The following NAALADL2 variants were observed in gnomAD, a reference collection of about 807,000 sequenced individuals.
NAALADL2 encodes N-acetylated alpha-linked acidic dipeptidase like 2.
In NAALADL2, 76 loss-of-function variants were observed where a neutral mutation model predicts 87.2. The observed-to-expected ratio is 0.87, with a 90% CI of 0.72 to 1.05. The LOEUF (loss-of-function observed/expected upper bound fraction) is 1.05, where lower values mean the gene tolerates loss of function less well. Among genes scored for constraint, NAALADL2 ranks in the 50% least tolerant of loss-of-function variants. The probability of loss-of-function intolerance (pLI) is 0.00; values close to 1 mark genes in which losing one functional copy is unlikely to be tolerated. For synonymous variants in NAALADL2, 354 were observed against 331.0 expected, an observed-to-expected ratio of 1.07 and a Z score of -0.75; for missense variants, 1,089 against 945.8, an observed-to-expected ratio of 1.15 and a Z score of -1.99.
chr3:174,548,776 C>T (rs1711729760), intron 1 of NAALADL2, among the ~76,000 whole-genome samples: 1 of 152,176 alleles, frequency 6.6e-6, no homozygotes, highest in South Asian at 2.1e-4. Context: ...AGTCGACTCT[C>T]CCATCTTCTA....
At chr3:174,446,619 T>A (rs1310613108) in intron 1 of NAALADL2, among the ~76,000 whole-genome samples, 1 of 152,146 alleles carries the variant, frequency 6.6e-6, no homozygotes, top group East Asian at 1.9e-4. Flanking sequence ...CAGTTTAATA[T>A]GGTACTCAGT....
chr3:175,015,966 A>AT (rs1346118537), intron 1 of NAALADL2, among the ~76,000 whole-genome samples: 1 of 151,520 alleles, frequency 6.6e-6, no homozygotes, highest in African/African-American at 2.4e-5. Flanking sequence ...TCCTCTAATT[A>AT]TTTTTCTACT....
chr3:175,218,928 C>G (rs928513181), intron 2 of NAALADL2, among the ~76,000 whole-genome samples: 2 of 151,994 alleles, frequency 1.3e-5, no homozygotes, highest in African/African-American at 4.8e-5. Flanking sequence ...GCCTCAGCCT[C>G]CCAAGTAACT....
intron 1 of NAALADL2, among the ~76,000 whole-genome samples, chr3:175,011,316 GA>G (rs1749791951): frequency 1.3e-5 from 2 of 148,384 alleles, no homozygotes; most frequent in South Asian, 4.2e-4. Flanking sequence ...GAGAGAGAGA[GA>G]GAGACTAATT....
At chr3:175,398,882 C>A (rs548108035) in intron 5 of NAALADL2, among the ~76,000 whole-genome samples, 1 of 151,484 alleles carries the variant, frequency 6.6e-6, no homozygotes, top group Non-Finnish European at 1.5e-5. Context: ...TTGGATCTTG[C>A]GCAAGAAAGA....
At chr3:174,590,396 G>A (rs938654493) in intron 2 of NAALADL2, among the ~76,000 whole-genome samples, 7 of 152,030 alleles carry the variant, frequency 4.6e-5, no homozygotes, top group East Asian at 1.9e-4. Flanking sequence ...ACTGTATAAG[G>A]CTTGCATGGA....
chr3:174,521,636 A>G lies in NAALADL2; in HGVS notation c.-183-28933A>G, dbSNP rs182596079. ...TACTGTCTTTTGCAGAAACACATAT[A>G]GAACTGGAGGCCTATAGGTAATTAT... On this transcript the variant is annotated intron_variant, in intron 1 of 3. Transcript: ENST00000434257. 3.9e-3 allele frequency among the ~76,000 whole-genome samples: 594 copies of G among 151,868 alleles called. 2 individuals are homozygous for G. The highest frequency in any genetic ancestry group is 6.7e-3 in the Non-Finnish European group (454 of 67,918).
intron 2 of NAALADL2, among the ~76,000 whole-genome samples, chr3:175,170,849 A>G (rs1010374524): frequency 2.0e-5 from 3 of 151,856 alleles, no homozygotes; most frequent in Non-Finnish European, 4.4e-5. Flanking sequence ...ATAAAGGCTA[A>G]AAGGATACAA....
At chr3:175,139,860 AAG>A (rs1472979808) in intron 2 of NAALADL2, among the ~76,000 whole-genome samples, 1 of 152,174 alleles carries the variant, frequency 6.6e-6, no homozygotes, top group Non-Finnish European at 1.5e-5. Context: ...AACTCTAACA[AAG>A]GGGTACCAAC....
At chr3:175,660,903 T>C (rs1732157988) in intron 11 of NAALADL2, among the ~76,000 whole-genome samples, 1 of 152,084 alleles carries the variant, frequency 6.6e-6, no homozygotes, top group African/African-American at 2.4e-5. Flanking sequence ...TATTCATCTG[T>C]TGATGGACAC....
intron 5 of NAALADL2, among the ~76,000 whole-genome samples, chr3:175,411,637 C>G (rs1713537907): frequency 6.6e-6 from 1 of 152,074 alleles, no homozygotes; most frequent in Admixed American, 6.6e-5. Flanking sequence ...GAAGAAATTT[C>G]ATTTTGTAAC....
intron 5 of NAALADL2, among the ~76,000 whole-genome samples, chr3:175,353,568 G>A (rs759271262): frequency 2.0e-5 from 3 of 152,150 alleles, no homozygotes; most frequent in Non-Finnish European, 2.9e-5. Flanking sequence ...AGATCACAAG[G>A]AGACCAAATA....
At chr3:175,572,522 T>G (rs1718239660) in intron 9 of NAALADL2, among the ~76,000 whole-genome samples, 1 of 152,080 alleles carries the variant, frequency 6.6e-6, no homozygotes, top group Non-Finnish European at 1.5e-5. Context: ...GTAGGAAGAA[T>G]GCAGAAGTGT....
At chr3:174,630,426 T>A (rs1005136680) in intron 2 of NAALADL2, among the ~76,000 whole-genome samples, 1 of 152,204 alleles carries the variant, frequency 6.6e-6, no homozygotes, top group Non-Finnish European at 1.5e-5. Flanking sequence ...CCAGTATGAT[T>A]TCTGCATAGA....
Position 174,998,480 on chromosome 3 carries a change from G to A in NAALADL2, c.44-98310G>A, listed in dbSNP as rs149975069. Among the ~76,000 whole-genome samples the A allele has an allele frequency of 9.3e-4, 141 of 152,276 alleles. 1 individual carries two copies. The highest frequency in any genetic ancestry group is 3.4e-3 in the Middle Eastern group (1 of 294). On this transcript the variant is annotated intron_variant, in intron 1 of 13. Coordinates refer to ENST00000454872, the MANE Select transcript of NAALADL2 (RefSeq NM_207015.3). ...GATAGACTGATGGAAAATAAATCCT[G>A]GAGCTTAATTTAGGTTTTCTGATCT... is the stretch of plus-strand genomic sequence containing the variant.
intron 9 of NAALADL2, among the ~76,000 whole-genome samples, chr3:175,517,257 T>A (rs1731978371): frequency 6.6e-6 from 1 of 152,200 alleles, no homozygotes; most frequent in South Asian, 2.1e-4. Context: ...ACAGTGGCTT[T>A]TACAGTTTTG....
At chr3:174,768,738 ATAGT>A (rs1714166775) in intron 3 of NAALADL2, among the ~76,000 whole-genome samples, 1 of 152,142 alleles carries the variant, frequency 6.6e-6, no homozygotes, top group South Asian at 2.1e-4. Flanking sequence ...GAGTTTTTAA[ATAGT>A]TCTTTTAATT....
intron 9 of NAALADL2, among the ~76,000 whole-genome samples, chr3:175,506,304 C>T (rs1169499875): frequency 6.6e-6 from 1 of 152,172 alleles, no homozygotes; most frequent in Non-Finnish European, 1.5e-5. Context: ...CATCCCTGAA[C>T]GTTTAGTTTC....
chr3:174,546,519 G>T lies in NAALADL2; in HGVS notation c.-183-4050G>T, dbSNP rs1453931810. On this transcript the variant is annotated intron_variant, in intron 1 of 3. Coordinates refer to the NAALADL2 transcript ENST00000434257. ...TGCCACTTGCTGAACCCCCCCAGGG[G>T]TTCTGTGATACAAACTGACATTTCT... Among the ~76,000 whole-genome samples, 7 of 152,254 alleles carry T rather than the reference G, an allele frequency of 4.6e-5. No individual in the cohort carries two copies. The South Asian group carries it at 1.2e-3, about 27-fold the overall frequency.
Sources: gnomAD v4.1 joint callset for allele counts (sites outside exome capture counted in the v4.1 genomes callset) on GRCh38, gnomAD v4.1.1 for gene constraint, MANE v1.5 for transcripts, NCBI Gene and HGNC (gene_info 2026-07-23, HGNC 2026-07-21) for gene names.